EYS: variants seen among roughly 807,000 people sequenced by gnomAD.
The protein encoded by EYS is EGF-like photoreceptor maintenance factor.
EYS carries 250 observed loss-of-function variants against 282.1 expected under a neutral mutation model. The observed-to-expected ratio is 0.89, with a 90% CI of 0.80 to 0.98. The LOEUF (loss-of-function observed/expected upper bound fraction) is 0.98. Ranked by LOEUF, EYS falls within the 50% of genes least tolerant of loss-of-function variation. The probability of loss-of-function intolerance (pLI) is 0.00; values close to 1 mark genes in which losing one functional copy is unlikely to be tolerated. For synonymous variants in EYS, 1,355 were observed against 1,282.9 expected (o/e 1.06, Z -1.20); for missense variants, 4,016 against 3,709.0 (o/e 1.08, Z -2.15).
intron 12 of EYS, among the ~76,000 whole-genome samples, chr6:65,075,119 T>G (rs761066127): frequency 6.6e-6 from 1 of 152,110 alleles, no homozygotes; most frequent in South Asian, 2.1e-4. Flanking sequence ...TGTAGGAGGA[T>G]TTTTAAGTTG....
chr6:63,749,001 T>C (rs1769277698), intron 41 of EYS, among the ~76,000 whole-genome samples: 1 of 152,178 alleles, frequency 6.6e-6, no homozygotes, highest in African/African-American at 2.4e-5. Flanking sequence ...AGCTCTGATT[T>C]TGGTTATTTC....
intron 26 of EYS, among the ~76,000 whole-genome samples, chr6:64,520,878 C>A (rs547033088): frequency 6.6e-6 from 1 of 151,652 alleles, no homozygotes; most frequent in East Asian, 1.9e-4. Context: ...AGAGAAGCCA[C>A]GAGGTAAGAA....
At chr6:65,585,617 A>C (rs1182465568) in intron 2 of EYS, among the ~76,000 whole-genome samples, 1 of 151,966 alleles carries the variant, frequency 6.6e-6, no homozygotes, top group African/African-American at 2.4e-5. Context: ...TTTGAAGCAG[A>C]AATATTATAA....
At chr6:64,419,148 T>C (rs1482864563) in intron 28 of EYS, among the ~76,000 whole-genome samples, 6 of 152,178 alleles carry the variant, frequency 3.9e-5, no homozygotes, top group Non-Finnish European at 7.3e-5. Flanking sequence ...AGTAGCTATA[T>C]TAGTCCATTC....
At chr6:64,205,578 T>C (rs1278277507) in intron 31 of EYS, among the ~76,000 whole-genome samples, 2 of 152,180 alleles carry the variant, frequency 1.3e-5, no homozygotes, top group Non-Finnish European at 2.9e-5. Context: ...TTCTTCTTTT[T>C]TATAATGAAA....
chr6:64,772,667 C>T (rs1379562127), intron 22 of EYS, among the ~76,000 whole-genome samples: 1 of 151,790 alleles, frequency 6.6e-6, no homozygotes, highest in Non-Finnish European at 1.5e-5. Flanking sequence ...CCTCCACTAC[C>T]CTTCCTAGTC....
At chr6:65,301,474 G>A (rs1768823863) in intron 11 of EYS, among the ~76,000 whole-genome samples, 1 of 152,192 alleles carries the variant, frequency 6.6e-6, no homozygotes, top group Admixed American at 6.5e-5. Flanking sequence ...TTTGACGCTG[G>A]CAGTCTTGGT....
chr6:64,549,279 C>CA (rs1039400428), intron 26 of EYS, among the ~76,000 whole-genome samples: 2 of 152,170 alleles, frequency 1.3e-5, no homozygotes, highest in Non-Finnish European at 2.9e-5. Flanking sequence ...AGTGAAGAAA[C>CA]AAAAACTGAC....
chr6:63,896,055 T>A (rs1773530911), intron 35 of EYS, among the ~76,000 whole-genome samples: 2 of 152,182 alleles, frequency 1.3e-5, no homozygotes, highest in Admixed American at 1.3e-4. Context: ...GAATATGGTA[T>A]CTGTCTGTCC....
At chr6:65,031,624 G>A (rs1772608163) in intron 13 of EYS, among the ~76,000 whole-genome samples, 5 of 152,102 alleles carry the variant, frequency 3.3e-5, no homozygotes, top group Admixed American at 3.3e-4. Context: ...CTACTCCTGA[G>A]TGATTTTTTG....
intron 31 of EYS, among the ~76,000 whole-genome samples, chr6:64,162,282 T>A (rs902507890): frequency 6.6e-6 from 1 of 152,170 alleles, no homozygotes; most frequent in Non-Finnish European, 1.5e-5. Flanking sequence ...GTTATTTGAT[T>A]AATTTCTGTC....
rs927308424 is a variant in EYS, at chr6:64,550,217, A to G, written c.5644+40006T>C. 1.1e-3 allele frequency among the ~76,000 whole-genome samples: 168 copies of G among 152,280 alleles called. 2 individuals carry two copies. The highest frequency in any genetic ancestry group is 4.0e-3 in the African/African-American group (165 of 41,564). ...AACATACATGTGCATGTGTCTTTAT[A>G]GCAGCATGATTTATAATCCTTTGGG... On this transcript the variant is annotated intron_variant, in intron 26 of 42. Transcript: ENST00000503581.
chr6:64,127,984 A>T (rs981671401), intron 31 of EYS, among the ~76,000 whole-genome samples: 1 of 152,186 alleles, frequency 6.6e-6, no homozygotes, highest in Non-Finnish European at 1.5e-5. Flanking sequence ...AAATATATTT[A>T]ATCATGAAAA....
At chr6:64,669,114 G>A (rs577864852) in intron 22 of EYS, among the ~76,000 whole-genome samples, 12 of 152,090 alleles carry the variant, frequency 7.9e-5, no homozygotes, top group South Asian at 6.2e-4. Context: ...ATACTCACTC[G>A]TTTCTTAGAA....
chr6:65,684,685 CAT>C (rs1768946549), intron 1 of EYS, among the ~76,000 whole-genome samples: 1 of 151,968 alleles, frequency 6.6e-6, no homozygotes, highest in Admixed American at 6.6e-5. Context: ...AGCAGTTAAA[CAT>C]GTGTCCTTTT....
chr6:64,303,789 C>A (rs1482386058), intron 30 of EYS, among the ~76,000 whole-genome samples: 1 of 135,382 alleles, frequency 7.4e-6, no homozygotes, highest in Non-Finnish European at 1.5e-5. Flanking sequence ...TGCAGTGAGT[C>A]GAGATCGCGC....
intron 12 of EYS, among the ~76,000 whole-genome samples, chr6:65,134,277 C>G (rs1775960602): frequency 6.6e-6 from 1 of 151,930 alleles, no homozygotes; most frequent in Non-Finnish European, 1.5e-5. Context: ...ATCATACTAC[C>G]ATAAAGACAC....
chr6:63,951,871 C>T (rs1416825937), intron 35 of EYS, among the ~76,000 whole-genome samples: 1 of 152,156 alleles, frequency 6.6e-6, no homozygotes, highest in Non-Finnish European at 1.5e-5. Flanking sequence ...GGTAGCAACC[C>T]TGAGATGCTT....
rs912457299 is a variant in EYS at position 65,596,231 on chromosome 6, G to C, written c.-333+43547C>G. Reference sequence around the variant, plus strand: ...GCTGATTCACTTCGGTGTCCTTAGAGACCTTGAGCCAGAGGAACAAAACTG... The same window carrying C: ...GCTGATTCACTTCGGTGTCCTTAGACACCTTGAGCCAGAGGAACAAAACTG... On this transcript the variant is annotated intron_variant, in intron 2 of 42. Transcript: ENST00000503581. Among the ~76,000 whole-genome samples, 4 of 152,186 alleles carry C rather than the reference G, an allele frequency of 2.6e-5. No individual in the cohort carries two copies. In the South Asian group the frequency reaches 8.3e-4, roughly 32 times the overall value.
Sources: gnomAD v4.1 joint callset for allele counts (sites outside exome capture counted in the v4.1 genomes callset) on GRCh38, gnomAD v4.1.1 for gene constraint, MANE v1.5 for transcripts, NCBI Gene and HGNC (gene_info 2026-07-23, HGNC 2026-07-21) for gene names.